The following DOCK11 variants were observed in gnomAD, a reference collection of about 807,000 sequenced individuals.
DOCK11 encodes dedicator of cytokinesis 11.
A neutral mutation model predicts 169.1 loss-of-function variants in DOCK11; 70 were observed. The observed-to-expected ratio is 0.41, with a 90% CI of 0.34 to 0.51. DOCK11 has a LOEUF of 0.51. DOCK11 is among the 20% of genes least tolerant of loss of function. DOCK11 has a pLI of 0.10. For synonymous variants in DOCK11, 529 were observed against 541.3 expected, an observed-to-expected ratio of 0.98 and a Z score of 0.32; for missense variants, 1,166 against 1,538.8, an observed-to-expected ratio of 0.76 and a Z score of 4.05.
At chrX:118,548,466 G>A (rs998534730) in intron 6 of DOCK11, among the ~76,000 whole-genome samples, 3 of 111,607 alleles carry the variant, frequency 2.7e-5, no homozygotes, top group South Asian at 3.8e-4. Flanking sequence ...ACAATTATGC[G>A]GGTGGGCCCA....
At chrX:118,660,148 A>C (rs1422621183) in intron 44 of DOCK11, among the ~76,000 whole-genome samples, 2 of 112,032 alleles carry the variant, frequency 1.8e-5, no homozygotes, top group East Asian at 5.6e-4. Flanking sequence ...GCGCTACTGC[A>C]CAAAGAGTAT....
intron 19 of DOCK11, among the ~76,000 whole-genome samples, chrX:118,592,144 A>G (rs2014021693): frequency 9.1e-6 from 1 of 110,382 alleles, no homozygotes; most frequent in South Asian, 3.9e-4. Flanking sequence ...TTGGGTATAT[A>G]CCCAGTAATG....
chrX:118,678,727 C>T (rs1300257822), intron 48 of DOCK11, among the ~76,000 whole-genome samples: 1 of 110,393 alleles, frequency 9.1e-6, no homozygotes, highest in East Asian at 2.8e-4. Context: ...CCCACCTCAG[C>T]CTCCCAAAGT....
At chrX:118,534,441 G>C (rs1209733562) in intron 1 of DOCK11, among the ~76,000 whole-genome samples, 3 of 112,224 alleles carry the variant, frequency 2.7e-5, no homozygotes, top group Non-Finnish European at 5.6e-5. Context: ...TAGCTCTTGA[G>C]TTTTTGTAAA....
intron 35 of DOCK11, among the ~76,000 whole-genome samples, chrX:118,635,489 T>A (rs1194984000): frequency 1.8e-5 from 2 of 112,780 alleles, no homozygotes; most frequent in African/African-American, 6.4e-5. Context: ...TCTGAAATAG[T>A]TGTTCCACAG....
rs1273267320 is a variant in DOCK11, at chrX:118,590,194, T to C, written c.2047-16T>C. 4.2e-6 allele frequency: 5 copies of C among 1,183,985 alleles called. No homozygotes were observed. In the Admixed American group the frequency reaches 6.6e-5, roughly 16 times the overall value. ...ACCTGCATTTAGAGCGGTGACTCTG[T>C]TTCTTTCTTTTGCAGTGTATTTATG... On this transcript the variant is annotated splice_polypyrimidine_tract_variant and intron_variant, in intron 18 of 52. Transcript: ENST00000276202.
intron 52 of DOCK11, 112 bp downstream of exon 52, chrX:118,683,329 T>G: frequency 1.2e-6 from 1 of 827,601 alleles, no homozygotes; most frequent in African/African-American, 2.1e-5. Context: ...AAGTCTATAT[T>G]TTAAACTTTT....
intron 1 of DOCK11, among the ~76,000 whole-genome samples, chrX:118,518,990 A>G (rs2057706410): frequency 8.9e-6 from 1 of 111,825 alleles, no homozygotes; most frequent in Non-Finnish European, 1.9e-5. Context: ...TTTTTGTCAA[A>G]AAATATCCTA....
chrX:118,501,541 C>G (rs1236649608), intron 1 of DOCK11, among the ~76,000 whole-genome samples: 1 of 112,061 alleles, frequency 8.9e-6, no homozygotes, highest in Non-Finnish European at 1.9e-5. Context: ...AGTTCAAGTG[C>G]TCAATAGCCA....
At chrX:118,631,244 T>C (rs1027284982) in intron 35 of DOCK11, among the ~76,000 whole-genome samples, 1 of 111,881 alleles carries the variant, frequency 8.9e-6, no homozygotes, top group African/African-American at 3.2e-5. Flanking sequence ...TGCTATCTTT[T>C]ACTCATTTTC....
At chrX:118,587,249 TA>T (rs757955679) in intron 16 of DOCK11, among the ~76,000 whole-genome samples, 2 of 111,776 alleles carry the variant, frequency 1.8e-5, no homozygotes, top group South Asian at 7.6e-4. Flanking sequence ...GATAAAGTTC[TA>T]TATATAGTGT....
At chrX:118,502,442 G>A (rs181149211) in intron 1 of DOCK11, among the ~76,000 whole-genome samples, 350 of 111,621 alleles carry the variant, frequency 3.1e-3, no homozygotes, top group Middle Eastern at 4.6e-3. Flanking sequence ...TCTTTCCTTC[G>A]TTCCCCACAT....
intron 20 of DOCK11, among the ~76,000 whole-genome samples, chrX:118,596,323 G>A (rs189319751): frequency 1.4e-4 from 16 of 112,194 alleles, no homozygotes; most frequent in Non-Finnish European, 2.6e-4. Flanking sequence ...ACATTTCGGA[G>A]TCTGAGAAAG....
At chrX:118,683,992 C>T (rs2016798834) in intron 52 of DOCK11, among the ~76,000 whole-genome samples, 1 of 111,790 alleles carries the variant, frequency 8.9e-6, no homozygotes, top group South Asian at 3.6e-4. Flanking sequence ...TTGGGTGTGC[C>T]TTACTTTTGG....
In DOCK11 at chrX:118,614,729, A is replaced by G. The variant is rs1307516474; in HGVS notation, c.3134A>G (p.Asn1045Ser). The G allele has an allele frequency of 8.3e-7, 1 of 1,197,965 alleles. No individual in the cohort carries two copies. The stretch of plus-strand genomic sequence containing the variant: ...CTAATGGATAGAGGATTTATTTTCA[A>G]TTTAATAAATGACTATATATCTGGA... ...LTLMDRGFIF[N>S]LINDYISGFS... Residue 1045 changes from asparagine to serine, a missense_variant, in exon 29 of 53, where the codon AAT becomes AGT. Coordinates refer to ENST00000276202, the MANE Select transcript of DOCK11 (RefSeq NM_144658.4).
At position 118,518,521 on chromosome X, in the gene DOCK11, C is replaced by T. The variant is rs138971597; in HGVS notation, c.102+22448C>T. Among the ~76,000 whole-genome samples the T allele has an allele frequency of 6.9e-3, 772 of 111,579 alleles. 9 individuals carry two copies. The highest frequency in any genetic ancestry group is 0.023 in the African/African-American group (717 of 30,706). ...CCCAGGAGTTCAAGTCCAGCCTGGGCGACATAGTGAGACCCCCATCTCTTA... is the reference window on the plus strand; with the variant it reads ...CCCAGGAGTTCAAGTCCAGCCTGGGTGACATAGTGAGACCCCCATCTCTTA... On this transcript the variant is annotated intron_variant, in intron 1 of 52. Coordinates refer to ENST00000276202, the MANE Select transcript of DOCK11 (RefSeq NM_144658.4).
chrX:118,628,316 C>G, intron 34 of DOCK11, 44 bp downstream of exon 34: 1 of 934,532 alleles, frequency 1.1e-6, no homozygotes. Context: ...ACACATTAGC[C>G]TGCAACAATT....
At chrX:118,586,964 G>A (rs963152835) in intron 16 of DOCK11, among the ~76,000 whole-genome samples, 2 of 111,952 alleles carry the variant, frequency 1.8e-5, no homozygotes, top group African/African-American at 3.2e-5. Flanking sequence ...ATGGAGGTGT[G>A]GCATCCACTT....
At chrX:118,650,064 T>G in intron 41 of DOCK11, among the ~76,000 whole-genome samples, 1 of 111,472 alleles carries the variant, frequency 9.0e-6, no homozygotes, top group Middle Eastern at 4.7e-3. Flanking sequence ...TGTGTCAAGG[T>G]TTAGTGGAAA....
Sources: gnomAD v4.1 joint callset for allele counts (sites outside exome capture counted in the v4.1 genomes callset) on GRCh38, gnomAD v4.1.1 for gene constraint, MANE v1.5 for transcripts, NCBI Gene and HGNC (gene_info 2026-07-23, HGNC 2026-07-21) for gene names.